BMPR1B: variants seen among roughly 807,000 people sequenced by gnomAD.
BMPR1B encodes bone morphogenetic protein receptor type-1B.
BMPR1B carries 12 observed loss-of-function variants against 59.1 expected under a neutral mutation model. The ratio of observed to expected loss-of-function variants is 0.20; its 90% CI spans 0.13 to 0.33. The LOEUF is 0.33. Ranked by LOEUF, BMPR1B falls within the 10% of genes least tolerant of loss-of-function variation. The pLI is 1.00. For synonymous variants in BMPR1B, 237 were observed against 207.3 expected, an observed-to-expected ratio of 1.14 and a Z score of -1.23; for missense variants, 550 against 610.9, an observed-to-expected ratio of 0.90 and a Z score of 1.05.
intron 3 of BMPR1B, among the ~76,000 whole-genome samples, chr4:95,007,743 A>G (rs778100086): frequency 3.9e-5 from 6 of 152,208 alleles, no homozygotes; most frequent in African/African-American, 9.6e-5. Flanking sequence ...CAGATCCCAG[A>G]GTGAAAAGCT....
chr4:94,805,003 G>A (rs1413602807), intron 1 of BMPR1B, among the ~76,000 whole-genome samples: 1 of 152,092 alleles, frequency 6.6e-6, no homozygotes, highest in Non-Finnish European at 1.5e-5. Flanking sequence ...ACACTTTTCT[G>A]GAGTAATGTA....
At chr4:94,782,391 A>G (rs1722623986) in intron 1 of BMPR1B, among the ~76,000 whole-genome samples, 1 of 151,562 alleles carries the variant, frequency 6.6e-6, no homozygotes, top group Non-Finnish European at 1.5e-5. Flanking sequence ...CTGCAGCCTC[A>G]ACCTCCCAGG....
At chr4:94,802,747 T>G (rs1341721332) in intron 1 of BMPR1B, among the ~76,000 whole-genome samples, 1 of 152,206 alleles carries the variant, frequency 6.6e-6, no homozygotes, top group Non-Finnish European at 1.5e-5. Flanking sequence ...AAGGCTCATT[T>G]ATTCATTGCT....
At chr4:95,145,673 A>G (rs1293333257) in intron 10 of BMPR1B, among the ~76,000 whole-genome samples, 1 of 152,236 alleles carries the variant, frequency 6.6e-6, no homozygotes, top group African/African-American at 2.4e-5. Flanking sequence ...AATGTAGTCT[A>G]ATGACTTTCA....
chr4:94,852,431 AAAG>A (rs1667085075), intron 1 of BMPR1B, among the ~76,000 whole-genome samples: 1 of 150,112 alleles, frequency 6.7e-6, no homozygotes, highest in South Asian at 2.1e-4. Flanking sequence ...TTTATAGATT[AAAG>A]AATCTAAATT....
At chr4:94,770,180 G>GTTTTTTTTTTTTTT (rs1553903537) in intron 1 of BMPR1B, among the ~76,000 whole-genome samples, 7 of 106,276 alleles carry the variant, frequency 6.6e-5, no homozygotes, top group African/African-American at 2.1e-4. Flanking sequence ...CTTCGTTTCT[G>GTTTTTTTTTTTTTT]TGTTTGTTTT....
Position 94,886,020 on chromosome 4 carries a change from T to C in BMPR1B, c.-113+10120T>C, listed in dbSNP as rs372954645. On this transcript the variant is annotated intron_variant, in intron 2 of 12. Coordinates refer to ENST00000515059, the MANE Select transcript of BMPR1B (RefSeq NM_001203.3). ...TCTTTAGTTACAATAAATGTAAAGG[T>C]ACTGCACTTTTTAGTTCCAAGACAA... Among the ~76,000 whole-genome samples the C allele has an allele frequency of 3.3e-5, 5 of 152,292 alleles. No individual in the cohort carries two copies. The East Asian group carries it at 7.7e-4, about 24-fold the overall frequency.
chr4:94,915,008 C>T (rs780745313), intron 2 of BMPR1B, among the ~76,000 whole-genome samples: 3 of 152,004 alleles, frequency 2.0e-5, no homozygotes, highest in Non-Finnish European at 2.9e-5. Context: ...TTTGATCATT[C>T]AGAATTTGCA....
intron 3 of BMPR1B, among the ~76,000 whole-genome samples, chr4:95,033,579 T>C (rs2149160917): frequency 6.6e-6 from 1 of 152,244 alleles, no homozygotes; most frequent in East Asian, 1.9e-4. Context: ...CTTGGCATAC[T>C]TACTCTACAT....
chr4:95,039,952 A>C (rs1560611520), intron 3 of BMPR1B, among the ~76,000 whole-genome samples: 1 of 152,214 alleles, frequency 6.6e-6, no homozygotes, highest in Non-Finnish European at 1.5e-5. Flanking sequence ...ATATGCACAT[A>C]GATTTAAAAT....
chr4:95,026,282 A>G (rs1724414116), intron 3 of BMPR1B, among the ~76,000 whole-genome samples: 1 of 151,984 alleles, frequency 6.6e-6, no homozygotes, highest in South Asian at 2.1e-4. Flanking sequence ...AAGTCTTAGA[A>G]ATTTAACCTC....
intron 1 of BMPR1B, among the ~76,000 whole-genome samples, chr4:94,832,935 G>T (rs1243197125): frequency 6.6e-6 from 1 of 152,008 alleles, no homozygotes; most frequent in Non-Finnish European, 1.5e-5. Flanking sequence ...GATAGGCCGG[G>T]AACGGTGGCC....
intron 2 of BMPR1B, among the ~76,000 whole-genome samples, chr4:94,923,824 C>G (rs17022591): frequency 6.6e-6 from 1 of 152,034 alleles, no homozygotes; most frequent in African/African-American, 2.4e-5. Flanking sequence ...GATCTTTCGG[C>G]TCAAAGATAA....
At chr4:94,936,782 T>C (rs1234358938) in intron 2 of BMPR1B, among the ~76,000 whole-genome samples, 1 of 152,124 alleles carries the variant, frequency 6.6e-6, no homozygotes, top group African/African-American at 2.4e-5. Context: ...TTGGCTCTCT[T>C]CTCTTCTCAC....
intron 6 of BMPR1B, among the ~76,000 whole-genome samples, chr4:95,120,902 G>A (rs1055506420): frequency 6.6e-6 from 1 of 151,130 alleles, no homozygotes; most frequent in Non-Finnish European, 1.5e-5. Flanking sequence ...TCCACCTCCC[G>A]GGTTCAAGCA....
At chr4:94,770,204 T>TTTTTTTTTTTC (rs1722133742) in intron 1 of BMPR1B, among the ~76,000 whole-genome samples, 1 of 144,284 alleles carries the variant, frequency 6.9e-6, no homozygotes, top group Non-Finnish European at 1.5e-5. Flanking sequence ...TTTTTTTTTT[T>TTTTTTTTTTTC]GCGAAAGCAA....
At chr4:94,766,073 C>T (rs914722896) in intron 1 of BMPR1B, among the ~76,000 whole-genome samples, 3 of 152,118 alleles carry the variant, frequency 2.0e-5, no homozygotes, top group Non-Finnish European at 1.5e-5. Flanking sequence ...GTGATAGGTA[C>T]ATAGTAAACA....
At chr4:94,772,330 T>C (rs1449838936) in intron 1 of BMPR1B, among the ~76,000 whole-genome samples, 3 of 152,180 alleles carry the variant, frequency 2.0e-5, no homozygotes, top group Admixed American at 2.0e-4. Flanking sequence ...GAAGGGCCTA[T>C]TGGCTGTGGC....
chr4:95,051,869 G>A, intron 3 of BMPR1B: 1 of 1,232,742 alleles, frequency 8.1e-7, no homozygotes, highest in Non-Finnish European at 1.1e-6. Flanking sequence ...CAGGCCAGAA[G>A]TTCAATGTCT....
Sources: gnomAD v4.1 joint callset for allele counts (sites outside exome capture counted in the v4.1 genomes callset) on GRCh38, gnomAD v4.1.1 for gene constraint, MANE v1.5 for transcripts, NCBI Gene and HGNC (gene_info 2026-07-23, HGNC 2026-07-21) for gene names.